Variants in TMEM163 observed in about 807,000 individuals in gnomAD.
TMEM163 encodes the protein transmembrane protein 163.
TMEM163 carries 17 observed loss-of-function variants against 29.3 expected under a neutral mutation model. The observed-to-expected ratio is 0.58, with a 90% CI of 0.40 to 0.87. TMEM163 has a LOEUF of 0.87. Among genes scored for constraint, TMEM163 ranks in the 40% least tolerant of loss-of-function variants. TMEM163 has a pLI of 0.00. For missense variants in TMEM163, 303 were observed against 381.5 expected, an observed-to-expected ratio of 0.79 and a Z score of 1.71; for synonymous variants, 157 against 160.6, an observed-to-expected ratio of 0.98 and a Z score of 0.17.
chr2:134,480,852 T>A (rs574003148), intron 5 of TMEM163, among the ~76,000 whole-genome samples: 1 of 152,340 alleles, frequency 6.6e-6, no homozygotes, highest in East Asian at 1.9e-4. Flanking sequence ...TATACTTTTT[T>A]ATTGAGGTGT....
chr2:134,523,895 G>T (rs1016106617), intron 4 of TMEM163, among the ~76,000 whole-genome samples: 1 of 152,142 alleles, frequency 6.6e-6, no homozygotes, highest in African/African-American at 2.4e-5. Flanking sequence ...ATTTTTGGTT[G>T]TCAAAACCAA....
chr2:134,546,426 G>C (rs1312076965), intron 4 of TMEM163, among the ~76,000 whole-genome samples: 1 of 152,200 alleles, frequency 6.6e-6, no homozygotes, highest in African/African-American at 2.4e-5. Context: ...GCAGATCCCT[G>C]AGGCCAGGAG....
intron 5 of TMEM163, among the ~76,000 whole-genome samples, chr2:134,481,634 A>G (rs1679186020): frequency 6.6e-6 from 1 of 152,050 alleles, no homozygotes; most frequent in Non-Finnish European, 1.5e-5. Context: ...GGACTAATAT[A>G]CTAGGCTTTT....
intron 2 of TMEM163, among the ~76,000 whole-genome samples, chr2:134,562,561 T>C (rs562376963): frequency 3.3e-5 from 5 of 152,334 alleles, no homozygotes; most frequent in Admixed American, 1.3e-4. Flanking sequence ...ACCTCTTTGG[T>C]TTGAAAAGTC....
intron 5 of TMEM163, among the ~76,000 whole-genome samples, chr2:134,495,901 T>C (rs977443712): frequency 6.6e-6 from 1 of 152,176 alleles, no homozygotes; most frequent in African/African-American, 2.4e-5. Flanking sequence ...TATTTCTGTT[T>C]CCTTGTTCCC....
chr2:134,512,838 G>T (rs1679979452), intron 4 of TMEM163, among the ~76,000 whole-genome samples: 1 of 152,226 alleles, frequency 6.6e-6, no homozygotes, highest in South Asian at 2.1e-4. Flanking sequence ...GATGTGGCAT[G>T]TTTTAACAGG....
chr2:134,563,456 A>G (rs180925310), intron 2 of TMEM163, among the ~76,000 whole-genome samples: 135 of 152,362 alleles, frequency 8.9e-4, no homozygotes, highest in African/African-American at 3.0e-3. Flanking sequence ...GAATACACAA[A>G]TTCCAGTTAT....
intron 4 of TMEM163, among the ~76,000 whole-genome samples, chr2:134,538,325 G>A (rs940486463): frequency 2.6e-5 from 4 of 152,118 alleles, no homozygotes; most frequent in Admixed American, 6.5e-5. Context: ...CACTGAATCC[G>A]TCTTCATCTC....
chr2:134,663,723 C>A (rs1683808440), intron 2 of TMEM163, among the ~76,000 whole-genome samples: 1 of 152,240 alleles, frequency 6.6e-6, no homozygotes, highest in African/African-American at 2.4e-5. Context: ...GGCATTGTCT[C>A]CACCCAACAG....
chr2:134,692,224 T>C (rs1684485705), intron 2 of TMEM163, among the ~76,000 whole-genome samples: 1 of 152,096 alleles, frequency 6.6e-6, no homozygotes, highest in African/African-American at 2.4e-5. Context: ...CTGCTGACCC[T>C]TCACTTCAGC....
chr2:134,717,151 G>T (rs562735002), intron 1 of TMEM163, among the ~76,000 whole-genome samples: 1 of 152,294 alleles, frequency 6.6e-6, no homozygotes, highest in African/African-American at 2.4e-5. Context: ...CTATCATTTT[G>T]TGGGGTAGGG....
chr2:134,595,787 G>A, intron 2 of TMEM163, among the ~76,000 whole-genome samples: 1 of 152,212 alleles, frequency 6.6e-6, no homozygotes, highest in East Asian at 1.9e-4. Context: ...GTTGTTTCCT[G>A]ACTTTTTAAT....
At chr2:134,488,382 G>C (rs1679357687) in intron 5 of TMEM163, among the ~76,000 whole-genome samples, 1 of 152,202 alleles carries the variant, frequency 6.6e-6, no homozygotes, top group South Asian at 2.1e-4. Context: ...AATGTGGAAG[G>C]AGTGAACTTG....
chr2:134,714,714 G>C (rs1685000693), intron 1 of TMEM163, among the ~76,000 whole-genome samples: 1 of 152,150 alleles, frequency 6.6e-6, no homozygotes, highest in Non-Finnish European at 1.5e-5. Context: ...CAAATGTTGA[G>C]CATAAACACC....
chr2:134,656,886 T>C (rs192377011), intron 2 of TMEM163, among the ~76,000 whole-genome samples: 11 of 152,362 alleles, frequency 7.2e-5, no homozygotes, highest in Admixed American at 5.2e-4. Context: ...GCTTATGTGG[T>C]AAATCATATT....
At chr2:134,656,205 G>A (rs1180150657) in intron 2 of TMEM163, among the ~76,000 whole-genome samples, 6 of 148,172 alleles carry the variant, frequency 4.0e-5, no homozygotes, top group African/African-American at 5.2e-5. Flanking sequence ...GCGAGACTCC[G>A]TGGGCGTAGG....
intron 2 of TMEM163, among the ~76,000 whole-genome samples, chr2:134,688,449 T>C (rs1024836802): frequency 1.3e-5 from 2 of 152,228 alleles, no homozygotes; most frequent in Non-Finnish European, 2.9e-5. Flanking sequence ...ATCTCTCTAG[T>C]CCTTATAAAT....
At chr2:134,656,410 G>A (rs901600140) in intron 2 of TMEM163, among the ~76,000 whole-genome samples, 1 of 151,512 alleles carries the variant, frequency 6.6e-6, no homozygotes, top group Non-Finnish European at 1.5e-5. Flanking sequence ...TTCGGCTCGC[G>A]CACGGTGCAC....
At chr2:134,516,688 T>C (rs1680069142) in intron 4 of TMEM163, among the ~76,000 whole-genome samples, 1 of 135,200 alleles carries the variant, frequency 7.4e-6, no homozygotes, top group Admixed American at 7.7e-5. Flanking sequence ...CATATATGCA[T>C]ATATATGCAT....
Sources: allele counts gnomAD v4.1 joint callset (sites outside exome capture counted in the v4.1 genomes callset), GRCh38; gene constraint gnomAD v4.1.1; transcripts MANE v1.5; gene names NCBI Gene and HGNC (gene_info 2026-07-23, HGNC 2026-07-21).